SMYD3: variants seen among roughly 807,000 people sequenced by gnomAD.
The protein encoded by SMYD3 is SET and MYND domain containing 3.
Under a neutral mutation model 57.7 loss-of-function variants are expected in SMYD3, and 36 were observed. The ratio of observed to expected loss-of-function variants is 0.62; its 90% CI spans 0.48 to 0.82. The LOEUF (loss-of-function observed/expected upper bound fraction) is 0.82, where lower values mean the gene tolerates loss of function less well. Ranked by LOEUF, SMYD3 falls within the 40% of genes least tolerant of loss-of-function variation. The pLI, the probability that SMYD3 is intolerant of heterozygous loss-of-function variation, is 0.00. For missense variants in SMYD3, 515 were observed against 538.8 expected (o/e 0.96, Z 0.44); for synonymous variants, 211 against 195.0 (o/e 1.08, Z -0.68).
chr1:246,239,031 G>A (rs1393046406), intron 5 of SMYD3, among the ~76,000 whole-genome samples: 1 of 151,890 alleles, frequency 6.6e-6, no homozygotes. Flanking sequence ...AGCCCACCAC[G>A]AAAGCAACGG....
chr1:246,011,320 A>T (rs1336020239), intron 5 of SMYD3, among the ~76,000 whole-genome samples: 1 of 152,132 alleles, frequency 6.6e-6, no homozygotes, highest in Non-Finnish European at 1.5e-5. Flanking sequence ...CTGAGCTTTG[A>T]CTTTCTGGAA....
intron 10 of SMYD3, among the ~76,000 whole-genome samples, chr1:245,775,422 G>A (rs1419633666): frequency 6.6e-6 from 1 of 151,854 alleles, no homozygotes; most frequent in Non-Finnish European, 1.5e-5. Context: ...CCCCAACCCT[G>A]TGCTCTCTGA....
intron 5 of SMYD3, among the ~76,000 whole-genome samples, chr1:246,102,260 A>T (rs1326024292): frequency 2.6e-5 from 4 of 152,062 alleles, no homozygotes; most frequent in Non-Finnish European, 5.9e-5. Flanking sequence ...CTTTCTATTT[A>T]TTAACTCTTT....
chr1:245,776,804 G>A (rs1361475782), intron 10 of SMYD3, among the ~76,000 whole-genome samples: 1 of 152,222 alleles, frequency 6.6e-6, no homozygotes, highest in Non-Finnish European at 1.5e-5. Flanking sequence ...GAGAAAGTGA[G>A]GCGATAGCAG....
chr1:246,162,246 T>C (rs1383503920), intron 5 of SMYD3, among the ~76,000 whole-genome samples: 2 of 152,152 alleles, frequency 1.3e-5, no homozygotes, highest in Non-Finnish European at 2.9e-5. Context: ...CTTACCTCAA[T>C]TACCCTAAAA....
chr1:245,751,811 C>A (rs537873872), intron 11 of SMYD3, among the ~76,000 whole-genome samples: 1 of 152,162 alleles, frequency 6.6e-6, no homozygotes, highest in African/African-American at 2.4e-5. Context: ...CCTATTCATG[C>A]GAGCAAGTCT....
rs567873552 is a variant in SMYD3, at chr1:246,001,222, A to C, written c.532-71285T>G. Among the ~76,000 whole-genome samples, 5 of 152,340 alleles carry C rather than the reference A, an allele frequency of 3.3e-5. No individual in the cohort carries two copies. The South Asian group carries it at 1.0e-3, about 32-fold the overall frequency. On this transcript the variant is annotated intron_variant, in intron 5 of 11. Transcript: ENST00000490107. ...AAGTTCCTTGTAATTTGTTAGTGTG[A>C]ATTAAATGACATCTCGGAAAGTGTT...
At chr1:246,020,159 C>T (rs1391126721) in intron 5 of SMYD3, among the ~76,000 whole-genome samples, 1 of 152,208 alleles carries the variant, frequency 6.6e-6, no homozygotes. Flanking sequence ...ATTTCTGCCA[C>T]CATTGCACAA....
At chr1:246,100,910 T>C (rs2060997465) in intron 5 of SMYD3, among the ~76,000 whole-genome samples, 1 of 151,990 alleles carries the variant, frequency 6.6e-6, no homozygotes. Flanking sequence ...AAAAACAAAA[T>C]AAAATAAAGC....
At chr1:246,247,860 C>T (rs2063733811) in intron 5 of SMYD3, among the ~76,000 whole-genome samples, 1 of 152,082 alleles carries the variant, frequency 6.6e-6, no homozygotes, top group Non-Finnish European at 1.5e-5. Context: ...ATCCAGGTAG[C>T]AAGAGAACCT....
chr1:245,865,057 T>C (rs1429058299), intron 8 of SMYD3, among the ~76,000 whole-genome samples: 9 of 152,342 alleles, frequency 5.9e-5, no homozygotes, highest in South Asian at 4.1e-4. Context: ...GCCTGGCACA[T>C]AGTAGTTGCT....
chr1:246,312,435 TAAAAC>T (rs948911287), intron 5 of SMYD3, among the ~76,000 whole-genome samples: 2 of 151,776 alleles, frequency 1.3e-5, no homozygotes, highest in African/African-American at 4.8e-5. Context: ...AATATAAAAA[TAAAAC>T]AATAGAGTCA....
At chr1:245,765,396 A>C (rs908568038) in intron 10 of SMYD3, among the ~76,000 whole-genome samples, 7 of 152,044 alleles carry the variant, frequency 4.6e-5, no homozygotes, top group Non-Finnish European at 1.0e-4. Context: ...TTCAAAAAAA[A>C]AAAAAGTTTT....
intron 8 of SMYD3, among the ~76,000 whole-genome samples, chr1:245,891,183 TA>T (rs1351708131): frequency 1.3e-5 from 2 of 152,170 alleles, no homozygotes; most frequent in African/African-American, 4.8e-5. Flanking sequence ...GAGTCTACAA[TA>T]ATTTACTGTA....
chr1:245,816,975 C>A (rs531692307), intron 10 of SMYD3, among the ~76,000 whole-genome samples: 216 of 151,292 alleles, frequency 1.4e-3, no homozygotes, highest in Non-Finnish European at 2.7e-3. Flanking sequence ...GGGGGAGGGG[C>A]GCCCGCCATT....
chr1:246,123,532 A>T (rs1037566084), intron 5 of SMYD3, among the ~76,000 whole-genome samples: 1 of 150,712 alleles, frequency 6.6e-6, no homozygotes, highest in African/African-American at 2.4e-5. Context: ...ACGCCACTAC[A>T]ATCTCCAGCC....
chr1:246,310,607 G>C (rs2065059753), intron 5 of SMYD3, among the ~76,000 whole-genome samples: 1 of 149,790 alleles, frequency 6.7e-6, no homozygotes, highest in African/African-American at 2.5e-5. Context: ...TACGAGCAAA[G>C]CTTGGAAGAA....
intron 5 of SMYD3, among the ~76,000 whole-genome samples, chr1:246,140,917 C>T (rs1412172969): frequency 2.6e-5 from 4 of 152,180 alleles, no homozygotes; most frequent in Non-Finnish European, 1.5e-5. Context: ...GTTTCAAATG[C>T]ACATCACGGT....
rs1164204984 is a variant in SMYD3, at chr1:246,010,064, C to T, written c.532-80127G>A. Among the ~76,000 whole-genome samples, 12 of 142,322 alleles carry T rather than the reference C, an allele frequency of 8.4e-5. 1 individual carries two copies. The highest frequency in any genetic ancestry group is 2.9e-4 in the Admixed American group (4 of 13,830). 93.4% of individuals were successfully genotyped at this position (142,322 alleles called of 152,430 possible). A position where few individuals can be genotyped will look rare whatever the true frequency, so the allele number is the denominator to read the frequency against. On this transcript the variant is annotated intron_variant, in intron 5 of 11. Transcript: ENST00000490107. ...TGGGAATGCGCCACTGCACTCCAGC[C>T]TGTGCAACAGAGCAAGACTCCATCT...
Sources: gnomAD v4.1 joint callset for allele counts (sites outside exome capture counted in the v4.1 genomes callset) on GRCh38, gnomAD v4.1.1 for gene constraint, MANE v1.5 for transcripts, NCBI Gene and HGNC (gene_info 2026-07-23, HGNC 2026-07-21) for gene names.